The following ZFYVE26 variants were observed in gnomAD, a reference collection of about 807,000 sequenced individuals.
ZFYVE26 encodes the protein zinc finger FYVE domain-containing protein 26.
ZFYVE26 carries 181 observed loss-of-function variants against 276.5 expected under a neutral mutation model. The ratio of observed to expected loss-of-function variants is 0.65; its 90% CI spans 0.58 to 0.74. The LOEUF (loss-of-function observed/expected upper bound fraction) is 0.74. Ranked by LOEUF, ZFYVE26 falls within the 30% of genes least tolerant of loss-of-function variation. ZFYVE26 has a pLI of 0.00. For missense variants in ZFYVE26, 2,821 were observed against 3,097.9 expected (o/e 0.91, Z 2.12); for synonymous variants, 1,129 against 1,203.1 (o/e 0.94, Z 1.27).
intron 6 of ZFYVE26, 148 bp downstream of exon 6, chr14:67,806,397 A>G (rs369354443): frequency 2.1e-6 from 2 of 932,966 alleles, no homozygotes; most frequent in Non-Finnish European, 3.4e-6. Context: ...CTCCTTTCCC[A>G]TGGGACTGTG....
chr14:67,729,891 G>C, intron 13 of ZFYVE26: 1 of 446,162 alleles, frequency 2.2e-6, no homozygotes, highest in South Asian at 1.6e-5. Flanking sequence ...TAGAGTCTGG[G>C]AGTAAAGGGA....
intron 13 of ZFYVE26, among the ~76,000 whole-genome samples, chr14:67,737,282 G>T (rs2038363826): frequency 6.6e-6 from 1 of 151,810 alleles, no homozygotes; most frequent in Non-Finnish European, 1.5e-5. Flanking sequence ...CTGCTATAAA[G>T]ATCCTACCCA....
chr14:67,787,604 C>T (rs888369484), intron 16 of ZFYVE26, among the ~76,000 whole-genome samples: 12 of 151,828 alleles, frequency 7.9e-5, no homozygotes, highest in Non-Finnish European at 1.2e-4. Flanking sequence ...CGACTATGCA[C>T]CCACACACAC....
chr14:67,777,535 C>A (rs1566878474), intron 25 of ZFYVE26, 24 bp downstream of exon 25: 3 of 1,613,082 alleles, frequency 1.9e-6, no homozygotes, highest in Non-Finnish European at 2.5e-6. Flanking sequence ...CATACAGCGC[C>A]TGGATTTCAC....
chr14:67,782,082 C>A (rs773852739), intron 21 of ZFYVE26, among the ~76,000 whole-genome samples: 5 of 152,222 alleles, frequency 3.3e-5, no homozygotes, highest in Non-Finnish European at 7.3e-5. Context: ...ATTTCTCCAC[C>A]TTTTCAAGGA....
rs753535944 is a variant in ZFYVE26, at chr14:67,785,141, C to T, written c.3441G>A (p.Arg1147=). 1.3e-5 allele frequency: 21 copies of T among 1,614,078 alleles called. No individual in the cohort carries two copies. Among genetic ancestry groups the T allele is most frequent in the Non-Finnish European group, 1.7e-5 (20 of 1,180,038 alleles). The part of the protein sequence containing the change: ...NLGKQTPSGS[R]QMDYLGTFFS... ...AGAAGGTGCCCAAGTAGTCCATCTGCCTGCTGCCTGATGGGGTCTGTTTGC... is the reference window on the plus strand; with the variant it reads ...AGAAGGTGCCCAAGTAGTCCATCTGTCTGCTGCCTGATGGGGTCTGTTTGC... Residue 1147 remains arginine (R), a synonymous_variant, in exon 19 of 42, where the codon AGG becomes AGA. Coordinates refer to ENST00000347230, the MANE Select transcript of ZFYVE26 (RefSeq NM_015346.4).
At chr14:67,803,347 T>G (rs929493145) in intron 9 of ZFYVE26, among the ~76,000 whole-genome samples, 5 of 152,124 alleles carry the variant, frequency 3.3e-5, no homozygotes, top group African/African-American at 4.8e-5. Context: ...CAGACAAGTC[T>G]TCTTCTTTTT....
At chr14:67,739,710 A>T (rs1000920540) in intron 13 of ZFYVE26, among the ~76,000 whole-genome samples, 1 of 152,110 alleles carries the variant, frequency 6.6e-6, no homozygotes, top group African/African-American at 2.4e-5. Context: ...GAGAAAACTG[A>T]CCTAATATCC....
At chr14:67,771,971 T>C in intron 28 of ZFYVE26, 76 bp downstream of exon 28, 1 of 1,564,602 alleles carries the variant, frequency 6.4e-7, no homozygotes, top group East Asian at 2.3e-5. Flanking sequence ...AGGCGGTGAT[T>C]GTAAACTCAG....
At chr14:67,749,135 T>C (rs1390059504) in intron 41 of ZFYVE26, among the ~76,000 whole-genome samples, 2 of 152,206 alleles carry the variant, frequency 1.3e-5, no homozygotes, top group African/African-American at 4.8e-5. Context: ...GCCTGGCATG[T>C]AGTAGGTGTT....
At chr14:67,771,191 G>A (rs2039199732) in intron 28 of ZFYVE26, among the ~76,000 whole-genome samples, 1 of 152,068 alleles carries the variant, frequency 6.6e-6, no homozygotes, top group African/African-American at 2.4e-5. Context: ...TGTGTTCTCA[G>A]TATTTAGCTC....
chr14:67,730,840 T>C (rs980436312), intron 13 of ZFYVE26, among the ~76,000 whole-genome samples: 3 of 152,024 alleles, frequency 2.0e-5, no homozygotes, highest in Non-Finnish European at 2.9e-5. Context: ...CTGACGTCAG[T>C]TGATCCACCT....
At position 67,767,673 on chromosome 14, in the gene ZFYVE26, T is replaced by C; in HGVS notation, c.5790+31A>G. The C allele has an allele frequency of 4.3e-6, 7 of 1,614,076 alleles. No individual in the cohort carries two copies. The African/African-American group carries it at 8.0e-5, about 18-fold the overall frequency. The stretch of plus-strand genomic sequence containing the variant: ...ATACTGCTACACATCATAAAGAAAC[T>C]TAAGTGACCATTGCATTTTATTGCT... On this transcript the variant is annotated intron_variant, in intron 31 of 41. Transcript: ENST00000347230.
intron 12 of ZFYVE26, chr14:67,797,185 C>A: frequency 5.2e-6 from 1 of 192,260 alleles, no homozygotes. Context: ...ATAGATCTGA[C>A]CTAGTAATTC....
In ZFYVE26 at chr14:67,778,251, G is replaced by C. The variant is rs373194310; in HGVS notation, c.4675-3C>G. On this transcript the variant is annotated splice_region_variant and splice_polypyrimidine_tract_variant and intron_variant, in intron 23 of 41. Transcript: ENST00000347230. ...CACTCTTCACACAGTTCATACTCCT[G>C]GAAGGAAACACACATGCCTTCAACC... The C allele has an allele frequency of 3.1e-6, 5 of 1,613,932 alleles. No individual in the cohort carries two copies. In the African/African-American group the frequency reaches 6.7e-5, roughly 22 times the overall value.
intron 15 of ZFYVE26, 85 bp downstream of exon 15, chr14:67,790,487 G>A: frequency 7.0e-7 from 1 of 1,423,776 alleles, no homozygotes. Context: ...ACCCTCATGA[G>A]GAGCCTAGGA....
intron 13 of ZFYVE26, among the ~76,000 whole-genome samples, chr14:67,730,286 C>T (rs930231791): frequency 2.0e-4 from 31 of 152,082 alleles, no homozygotes; most frequent in African/African-American, 7.0e-4. Context: ...TAGAGCTGTG[C>T]CATTCAGTAT....
At chr14:67,779,717 T>C (rs1594909227) in intron 23 of ZFYVE26, among the ~76,000 whole-genome samples, 1 of 152,304 alleles carries the variant, frequency 6.6e-6, no homozygotes, top group African/African-American at 2.4e-5. Context: ...GACCCAGCAA[T>C]TCCACTTCGA....
rs2039065569 is a variant in ZFYVE26 at position 67,766,574 on chromosome 14, C to A, written c.5791-127G>T. On this transcript the variant is annotated intron_variant, in intron 31 of 41. Transcript: ENST00000347230. ...GCTGAAAGACCCTGGAAGAAGGAAC[C>A]AGATTCTACAAGAAAGCAGAAGTGG... 4.8e-6 allele frequency: 4 copies of A among 835,858 alleles called. No homozygotes were observed. In the East Asian group the frequency reaches 1.1e-4, roughly 22 times the overall value. The allele number at this position is 835,858 out of a possible 1,614,324, so 51.8% of individuals were successfully genotyped here.
Sources: gnomAD v4.1 joint callset for allele counts (sites outside exome capture counted in the v4.1 genomes callset) on GRCh38, gnomAD v4.1.1 for gene constraint, MANE v1.5 for transcripts, NCBI Gene and HGNC (gene_info 2026-07-23, HGNC 2026-07-21) for gene names.